Variants in EXOC4 observed in about 807,000 individuals in gnomAD.
EXOC4 encodes exocyst complex component 4, also known as SEC8-like 1.
Under a neutral mutation model 107.2 loss-of-function variants are expected in EXOC4, and 71 were observed. The observed-to-expected ratio is 0.66, with a 90% CI of 0.55 to 0.81. The LOEUF is 0.81. Among genes scored for constraint, EXOC4 ranks in the 30% least tolerant of loss-of-function variants. The pLI is 0.00. For synonymous variants in EXOC4, 456 were observed against 441.2 expected, an observed-to-expected ratio of 1.03 and a Z score of -0.42; for missense variants, 1,108 against 1,189.6, an observed-to-expected ratio of 0.93 and a Z score of 1.01.
intron 9 of EXOC4, among the ~76,000 whole-genome samples, chr7:133,585,157 C>G (rs1046402498): frequency 2.0e-5 from 3 of 152,182 alleles, no homozygotes; most frequent in Non-Finnish European, 4.4e-5. Context: ...ATGCAAAGGT[C>G]AAATGCAATA....
At chr7:133,341,554 T>C (rs1028967599) in intron 5 of EXOC4, among the ~76,000 whole-genome samples, 5 of 152,240 alleles carry the variant, frequency 3.3e-5, no homozygotes, top group African/African-American at 4.8e-5. Context: ...TGTCCATTTG[T>C]TCTATGGTAT....
intron 10 of EXOC4, among the ~76,000 whole-genome samples, chr7:133,685,013 G>A (rs771818175): frequency 9.2e-5 from 14 of 152,196 alleles, no homozygotes. Flanking sequence ...AAAGCAAGCA[G>A]TTCTTCTCTT....
chr7:134,097,352 A>G, the EXOC4 span, among the ~76,000 whole-genome samples: 4 of 152,110 alleles, frequency 2.6e-5, 1 homozygote, highest in Admixed American at 2.0e-4. Flanking sequence ...AGGTAAGCTA[A>G]AGAGTATTCC....
chr7:133,971,807 G>C (rs1343100423), intron 14 of EXOC4, among the ~76,000 whole-genome samples: 1 of 152,104 alleles, frequency 6.6e-6, no homozygotes, highest in Admixed American at 6.5e-5. Context: ...TATCACCAGT[G>C]GCAGTCTGCA....
chr7:133,415,118 T>C (rs575781753), intron 7 of EXOC4, among the ~76,000 whole-genome samples: 1 of 152,316 alleles, frequency 6.6e-6, no homozygotes, highest in Non-Finnish European at 1.5e-5. Flanking sequence ...AGTACTTCTT[T>C]TTTTATTGCT....
At chr7:133,368,804 TA>T (rs1459606375) in intron 6 of EXOC4, among the ~76,000 whole-genome samples, 2 of 152,202 alleles carry the variant, frequency 1.3e-5, no homozygotes, top group African/African-American at 4.8e-5. Context: ...GTATGTGTGT[TA>T]TTTTTTTCTG....
At chr7:133,831,561 A>T (rs1409452089) in intron 11 of EXOC4, among the ~76,000 whole-genome samples, 4 of 146,576 alleles carry the variant, frequency 2.7e-5, no homozygotes, top group East Asian at 2.0e-4. Context: ...CATCTTTGTG[A>T]TTTTTTTTTT....
At chr7:134,067,149 C>CAAAAAAAAAA (rs10597442), downstream of EXOC4, among the ~76,000 whole-genome samples, 1 of 121,962 alleles carries the variant, frequency 8.2e-6, no homozygotes, top group Non-Finnish European at 1.7e-5. Context: ...CACTCTGTCT[C>CAAAAAAAAAA]AAAAAAAAAA....
chr7:133,931,710 C>G (rs1337458411), intron 13 of EXOC4, among the ~76,000 whole-genome samples: 1 of 152,130 alleles, frequency 6.6e-6, no homozygotes, highest in Non-Finnish European at 1.5e-5. Context: ...TTATCACACA[C>G]CTTGACCTGT....
At chr7:133,347,133 A>G (rs1795800500) in intron 5 of EXOC4, among the ~76,000 whole-genome samples, 1 of 152,096 alleles carries the variant, frequency 6.6e-6, no homozygotes, top group African/African-American at 2.4e-5. Context: ...CTGTATAAAT[A>G]GTCTATTTAG....
At chr7:133,647,732 CAG>C (rs778019290) in intron 10 of EXOC4, among the ~76,000 whole-genome samples, 13 of 152,090 alleles carry the variant, frequency 8.5e-5, no homozygotes, top group Non-Finnish European at 1.5e-4. Context: ...TACAGTCAAA[CAG>C]AGAGTAGATA....
intron 5 of EXOC4, among the ~76,000 whole-genome samples, chr7:133,329,964 G>A (rs546833451): frequency 6.6e-6 from 1 of 152,144 alleles, no homozygotes; most frequent in Non-Finnish European, 1.5e-5. Context: ...TGGGAGATCT[G>A]TTGCTCTCTT....
At chr7:134,098,733 A>T in the EXOC4 span, among the ~76,000 whole-genome samples, 4 of 152,190 alleles carry the variant, frequency 2.6e-5, no homozygotes, top group Non-Finnish European at 2.9e-5. Flanking sequence ...CCCAGGGCCA[A>T]CAAGAGCTCT....
At chr7:134,063,535 G>C (rs957729103) in intron 17 of EXOC4, among the ~76,000 whole-genome samples, 8 of 152,150 alleles carry the variant, frequency 5.3e-5, no homozygotes, top group Non-Finnish European at 1.2e-4. Context: ...CTGGGAAAAG[G>C]GAGGTGTAGC....
intron 10 of EXOC4, among the ~76,000 whole-genome samples, chr7:133,675,559 GGAAGAGTT>G (rs1453567905): frequency 6.6e-6 from 1 of 152,126 alleles, no homozygotes; most frequent in African/African-American, 2.4e-5. Context: ...TCTGTATCAG[GGAAGAGTT>G]GACTTTATTC....
intron 10 of EXOC4, among the ~76,000 whole-genome samples, chr7:133,665,004 A>G (rs937148577): frequency 6.6e-5 from 10 of 152,178 alleles, no homozygotes; most frequent in Non-Finnish European, 1.3e-4. Context: ...TGGTGGGGGA[A>G]TCTCTACTTT....
intron 9 of EXOC4, among the ~76,000 whole-genome samples, chr7:133,501,361 G>C (rs893128253): frequency 2.0e-5 from 3 of 152,088 alleles, no homozygotes; most frequent in African/African-American, 7.2e-5. Context: ...AGAATGTAAG[G>C]CCTAGTCTAG....
chr7:133,526,122 G>A (rs1307461820), intron 9 of EXOC4, among the ~76,000 whole-genome samples: 2 of 152,106 alleles, frequency 1.3e-5, no homozygotes, highest in African/African-American at 4.8e-5. Flanking sequence ...GAGACACTTG[G>A]TTGGTACATT....
At chr7:133,263,954 A>C (rs921779074) in intron 1 of EXOC4, among the ~76,000 whole-genome samples, 4 of 152,168 alleles carry the variant, frequency 2.6e-5, no homozygotes, top group Non-Finnish European at 5.9e-5. Flanking sequence ...AGAATTTCCA[A>C]AATTTGACCA....
Sources: gnomAD v4.1 joint callset for allele counts (sites outside exome capture counted in the v4.1 genomes callset) on GRCh38, gnomAD v4.1.1 for gene constraint, MANE v1.5 for transcripts, NCBI Gene and HGNC (gene_info 2026-07-23, HGNC 2026-07-21) for gene names.